TPCN2: variants seen among roughly 807,000 people sequenced by gnomAD.
TPCN2 encodes two pore segment channel 2.
Under a neutral mutation model 111.4 loss-of-function variants are expected in TPCN2, and 92 were observed. That is an observed-to-expected ratio of 0.83 (90% CI 0.70 to 0.98). TPCN2 has a LOEUF of 0.98. Among genes scored for constraint, TPCN2 ranks in the 50% least tolerant of loss-of-function variants. The pLI is 0.00. For synonymous variants in TPCN2, 405 were observed against 414.5 expected (o/e 0.98, Z 0.28); for missense variants, 995 against 980.1 (o/e 1.02, Z -0.20).
Position 69,088,161 on chromosome 11 carries a change from G to T in TPCN2, c.*208G>T. 1.8e-6 allele frequency: 1 copy of T among 551,052 alleles called. No homozygotes were observed. The highest frequency in any genetic ancestry group is 3.2e-6 in the Non-Finnish European group (1 of 309,256). The allele number at this position is 551,052 out of a possible 1,614,324, so 34.1% of individuals were successfully genotyped here. ...ACAGCTGCTGGTGCTTCAGGGAGGC[G>T]CCGTGCCCTCCGCTTTCTTTTATAG... is the stretch of plus-strand genomic sequence containing the variant. On this transcript the variant is annotated 3_prime_UTR_variant, in exon 25 of 25. Transcript: ENST00000294309.
At position 69,062,966 on chromosome 11, in the gene TPCN2, G is replaced by A. The variant is rs1421820835; in HGVS notation, c.629G>A (p.Arg210His). 29 of 1,613,776 alleles carry A rather than the reference G, an allele frequency of 1.8e-5. No homozygotes were observed. Among genetic ancestry groups the A allele is most frequent in the Middle Eastern group, 1.6e-4 (1 of 6,080 alleles). Reference sequence around the variant, plus strand: ...ATGAAGAAGACCTTGAAATGCATCCGCTGGTCGCTGCCGGAAATGGCCAGG... The same window carrying A: ...ATGAAGAAGACCTTGAAATGCATCCACTGGTCGCTGCCGGAAATGGCCAGG... ...SMMKKTLKCI[R>H]WSLPEMASVG... The change falls in exon 6 of 25, where the codon CGC becomes CAC. Residue 210 changes from arginine (R) to histidine (H), a missense_variant. Arg to His is a conservative substitution (Grantham distance 29). Transcript: ENST00000294309.
At chr11:69,056,355 C>T (rs3018686) in intron 4 of TPCN2, among the ~76,000 whole-genome samples, 7,595 of 152,210 alleles carry the variant, frequency 0.05, 531 homozygotes, top group African/African-American at 0.16. Flanking sequence ...GGCAGTTTCT[C>T]ATTTCTTCCT....
chr11:69,070,912 C>T (rs1229826795), intron 9 of TPCN2, among the ~76,000 whole-genome samples: 5 of 147,688 alleles, frequency 3.4e-5, no homozygotes, highest in Admixed American at 2.7e-4. Context: ...AGGGATCCCT[C>T]ACCAACAGCT....
At chr11:69,078,653 C>T in intron 14 of TPCN2, 52 bp downstream of exon 14, 1 of 1,613,432 alleles carries the variant, frequency 6.2e-7, no homozygotes, top group South Asian at 1.1e-5. Flanking sequence ...TTCCCGCCCA[C>T]CTTGCAGGGG....
At chr11:69,081,004 C>T (rs569948219) in intron 17 of TPCN2, among the ~76,000 whole-genome samples, 6 of 152,110 alleles carry the variant, frequency 3.9e-5, no homozygotes, top group Admixed American at 6.5e-5. Context: ...ATGGGGCTGG[C>T]GCAGGAGACC....
At chr11:69,065,439 C>T (rs895213200) in intron 7 of TPCN2, among the ~76,000 whole-genome samples, 1 of 152,176 alleles carries the variant, frequency 6.6e-6, no homozygotes, top group Non-Finnish European at 1.5e-5. Flanking sequence ...TGGGTTTCTG[C>T]CCCACGAAGG....
In TPCN2 at chr11:69,088,950, G is replaced by A. The variant is rs190934650; in HGVS notation, c.*997G>A. ...AGCAACTCCCAGAAACAACTCCGGG[G>A]ACACCACTCCCCATCACACTCCACA... On this transcript the variant is annotated 3_prime_UTR_variant, in exon 25 of 25. Coordinates refer to ENST00000294309, the MANE Select transcript of TPCN2 (RefSeq NM_139075.4). 6.6e-6 allele frequency: 1 copy of A among 152,336 alleles called. No individual in the cohort carries two copies. Among genetic ancestry groups the A allele is most frequent in the African/African-American group, 2.4e-5 (1 of 41,562 alleles). The allele number at this position is 152,336 out of a possible 1,614,324, so 9.4% of individuals were successfully genotyped here.
At chr11:69,051,515 A>T (rs1455135393) in intron 1 of TPCN2, among the ~76,000 whole-genome samples, 1 of 152,226 alleles carries the variant, frequency 6.6e-6, no homozygotes, top group Non-Finnish European at 1.5e-5. Context: ...GACCCTACAC[A>T]GGTTGTGCAG....
At chr11:69,049,948 C>T (rs1861146621) in intron 1 of TPCN2, among the ~76,000 whole-genome samples, 2 of 152,234 alleles carry the variant, frequency 1.3e-5, no homozygotes, top group African/African-American at 2.4e-5. Flanking sequence ...GCCCTCTGTT[C>T]TGGTGCGGCT....
At chr11:69,068,173 GCTGTGGCCCAGCCAC>G (rs1240040690) in intron 8 of TPCN2, among the ~76,000 whole-genome samples, 3 of 152,224 alleles carry the variant, frequency 2.0e-5, no homozygotes, top group African/African-American at 7.2e-5. Flanking sequence ...CCTGGGCTTG[GCTGTGGCCCAGCCAC>G]CCTGGCTGGT....
chr11:69,060,045 G>A (rs995597914), intron 5 of TPCN2, among the ~76,000 whole-genome samples: 1 of 152,362 alleles, frequency 6.6e-6, no homozygotes, highest in East Asian at 1.9e-4. Flanking sequence ...CATGGTGGGC[G>A]TTCACATGGG....
intron 13 of TPCN2, among the ~76,000 whole-genome samples, chr11:69,074,256 G>A (rs1309459436): frequency 2.6e-5 from 4 of 152,202 alleles, no homozygotes; most frequent in Admixed American, 1.3e-4. Context: ...TGAGTGCCAC[G>A]CACTCGTCCC....
intron 24 of TPCN2, among the ~76,000 whole-genome samples, 157 bp downstream of exon 24, chr11:69,087,363 A>G (rs891997831): frequency 5.3e-5 from 8 of 152,194 alleles, no homozygotes; most frequent in Non-Finnish European, 1.0e-4. Context: ...AGAGCAGCTC[A>G]GAGCCGGGAT....
chr11:69,071,415 C>A lies in TPCN2; in HGVS notation c.955C>A (p.Leu319Met), dbSNP rs762970965. ...CATCTACAGTCAGTTCCGGGGCTAC[C>A]TGATGGTGAGCGAGCTCCCCAATGC... ...AIIYSQFRGY[L>M]MKSLQTSLFR... is the part of the protein sequence containing the mutation. Residue 319 changes from leucine (L) to methionine (M), a missense_variant, in exon 10 of 25, where the codon CTG (leucine) becomes ATG (methionine). Transcript: ENST00000294309. 1.2e-6 allele frequency: 2 copies of A among 1,613,330 alleles called. No individual in the cohort carries two copies. Among genetic ancestry groups the A allele is most frequent in the South Asian group, 2.2e-5 (2 of 90,736 alleles).
chr11:69,084,839 C>G (rs1856203997), intron 19 of TPCN2: 1 of 978,842 alleles, frequency 1.0e-6, no homozygotes. Flanking sequence ...AAACTGAGGC[C>G]CAGAAAGGGG....
At chr11:69,087,261 G>A (rs960671164) in intron 24 of TPCN2, 55 bp downstream of exon 24, 15 of 1,538,006 alleles carry the variant, frequency 9.8e-6, no homozygotes, top group African/African-American at 1.4e-5. Context: ...GAAGCCAAGA[G>A]CTGGGGGGTG....
intron 9 of TPCN2, among the ~76,000 whole-genome samples, 188 bp downstream of exon 9, chr11:69,070,683 C>T (rs1453768316): frequency 6.6e-6 from 1 of 151,338 alleles, no homozygotes; most frequent in Non-Finnish European, 1.5e-5. Flanking sequence ...CCCGAGGGAT[C>T]CCCCACCCCA....
intron 22 of TPCN2, 93 bp from the exon 23 acceptor site, chr11:69,086,430 G>T: frequency 1.9e-6 from 2 of 1,059,728 alleles, no homozygotes; most frequent in Non-Finnish European, 3.0e-6. Context: ...CCGGCTGCCC[G>T]AGAGCTGTCC....
At chr11:69,077,460 A>C (rs539491983) in intron 13 of TPCN2, among the ~76,000 whole-genome samples, 1 of 152,088 alleles carries the variant, frequency 6.6e-6, no homozygotes, top group Non-Finnish European at 1.5e-5. Flanking sequence ...GCTGAAAGGG[A>C]CCCTGCCCGT....
Sources: allele counts gnomAD v4.1 joint callset (sites outside exome capture counted in the v4.1 genomes callset), GRCh38; gene constraint gnomAD v4.1.1; transcripts MANE v1.5; gene names NCBI Gene and HGNC (gene_info 2026-07-23, HGNC 2026-07-21).